The following DNAH5 variants were observed in gnomAD, a reference collection of about 807,000 sequenced individuals.
The protein encoded by DNAH5 is dynein axonemal heavy chain 5.
A neutral mutation model predicts 518.2 loss-of-function variants in DNAH5; 372 were observed. The ratio of observed to expected loss-of-function variants is 0.72; its 90% CI spans 0.66 to 0.78. DNAH5 has a LOEUF of 0.78. Among genes scored for constraint, DNAH5 ranks in the 30% least tolerant of loss-of-function variants. DNAH5 has a pLI of 0.00. For missense variants in DNAH5, 5,523 were observed against 5,687.0 expected, an observed-to-expected ratio of 0.97 and a Z score of 0.93; for synonymous variants, 2,039 against 2,025.9, an observed-to-expected ratio of 1.01 and a Z score of -0.17.
rs529191880 is a variant in DNAH5, at chr5:13,864,284, A to T, written c.4596+113T>A. 105 of 1,423,812 alleles carry T rather than the reference A, an allele frequency of 7.4e-5. No individual in the cohort carries two copies. In the East Asian group the frequency reaches 2.3e-3, roughly 32 times the overall value. The allele number at this position is 1,423,812 out of a possible 1,614,324, so 88.2% of individuals were successfully genotyped here. On this transcript the variant is annotated intron_variant, in intron 28 of 78. Transcript: ENST00000265104. The stretch of plus-strand genomic sequence containing the variant: ...AAGGAACTAGTGGCTGAATGCCAGG[A>T]GAAGAGTTTCAATTGTCTGAGTGTA...
At position 13,737,449 on chromosome 5, in the gene DNAH5, T is replaced by C; in HGVS notation, c.11258A>G (p.Asn3753Ser). ...RTHLMEDVTA[N>S]KRRMKELEDN... ...TTCTAGTTCCTTCATCCTTCTTTTG[T>C]TTGCAGTTACATCTTCCATCAGATG... is the stretch of plus-strand genomic sequence containing the variant. The change falls in exon 66 of 79, where the codon AAC (asparagine) becomes AGC (serine). Residue 3753 changes from asparagine (N) to serine (S), a missense_variant. Asn to Ser is a conservative substitution (Grantham distance 46, BLOSUM62 1). Transcript: ENST00000265104. 1 of 1,614,148 alleles carries C rather than the reference T, an allele frequency of 6.2e-7. No individual in the cohort carries two copies. The highest frequency in any genetic ancestry group is 8.5e-7 in the Non-Finnish European group (1 of 1,179,986).
intron 72 of DNAH5, among the ~76,000 whole-genome samples, chr5:13,717,878 G>A (rs1377590105): frequency 6.6e-6 from 1 of 151,974 alleles, no homozygotes; most frequent in Non-Finnish European, 1.5e-5. Flanking sequence ...GTTGTTTTGA[G>A]CATATACTTG....
At chr5:13,938,610 T>C (rs1779177625) in intron 1 of DNAH5, among the ~76,000 whole-genome samples, 1 of 151,880 alleles carries the variant, frequency 6.6e-6, no homozygotes, top group Non-Finnish European at 1.5e-5. Flanking sequence ...ATAGTATATA[T>C]AGGGTTCAAT....
chr5:13,924,150 C>G (rs1209281273), intron 3 of DNAH5, among the ~76,000 whole-genome samples: 1 of 152,186 alleles, frequency 6.6e-6, no homozygotes, highest in Non-Finnish European at 1.5e-5. Flanking sequence ...AAACTCGGAA[C>G]CCCCACTTCC....
chr5:13,864,694 A>T (rs191669243), intron 27 of DNAH5, 57 bp from the exon 28 acceptor site: 2 of 1,588,748 alleles, frequency 1.3e-6, no homozygotes, highest in Non-Finnish European at 1.7e-6. Flanking sequence ...ACATCACTGG[A>T]CCAAGACGGT....
At chr5:13,951,894 T>C (rs934268093) in intron 1 of DNAH5, among the ~76,000 whole-genome samples, 2 of 152,244 alleles carry the variant, frequency 1.3e-5, no homozygotes, top group Non-Finnish European at 2.9e-5. Context: ...CCTTTAACCC[T>C]GCATTTAGGT....
chr5:13,758,551 T>C (rs1416931165), intron 61 of DNAH5, among the ~76,000 whole-genome samples: 1 of 152,042 alleles, frequency 6.6e-6, no homozygotes, highest in African/African-American at 2.4e-5. Context: ...ACTTCAAAGA[T>C]TAAATGAGAT....
At chr5:13,884,255 C>T (rs1772066583) in intron 19 of DNAH5, among the ~76,000 whole-genome samples, 1 of 152,122 alleles carries the variant, frequency 6.6e-6, no homozygotes, top group Admixed American at 6.5e-5. Context: ...GCTAACAAAC[C>T]TAATGATTTA....
intron 75 of DNAH5, among the ~76,000 whole-genome samples, chr5:13,714,031 A>G (rs1323189006): frequency 6.6e-6 from 1 of 152,204 alleles, no homozygotes; most frequent in East Asian, 1.9e-4. Flanking sequence ...TAAGGTGTGC[A>G]TTAAACTACA....
At chr5:13,884,955 A>T (rs1343977789) in intron 19 of DNAH5, 34 bp downstream of exon 19, 1 of 1,613,738 alleles carries the variant, frequency 6.2e-7, no homozygotes, top group Admixed American at 1.7e-5. Flanking sequence ...ACTATGCCTG[A>T]TCATCCACTA....
At position 13,778,754 on chromosome 5, in the gene DNAH5, A is replaced by G. The variant is rs983598353; in HGVS notation, c.8952-1399T>C. The stretch of plus-strand genomic sequence containing the variant: ...CACCAACAAATAGTTGTGGTTCCCA[A>G]ATGAGAGTCTCTTGCATCTCAGCCT... On this transcript the variant is annotated intron_variant, in intron 53 of 78. Coordinates refer to ENST00000265104, the MANE Select transcript of DNAH5 (RefSeq NM_001369.3). 9.3e-4 allele frequency among the ~76,000 whole-genome samples: 141 copies of G among 152,328 alleles called. 1 individual carries two copies. Among genetic ancestry groups the G allele is most frequent in the African/African-American group, 3.2e-3 (135 of 41,586 alleles).
intron 52 of DNAH5, among the ~76,000 whole-genome samples, chr5:13,783,541 T>C (rs927616819): frequency 6.6e-6 from 1 of 152,140 alleles, no homozygotes; most frequent in Non-Finnish European, 1.5e-5. Context: ...AAGCAGCCCG[T>C]TGTTCTGGAT....
chr5:13,999,678 C>T (rs943834596), intron 1 of DNAH5, among the ~76,000 whole-genome samples: 1 of 152,198 alleles, frequency 6.6e-6, no homozygotes, highest in Non-Finnish European at 1.5e-5. Context: ...CTTTGGGATC[C>T]TGATTTCAGT....
intron 12 of DNAH5, among the ~76,000 whole-genome samples, chr5:13,902,861 C>T (rs1774829037): frequency 6.6e-6 from 1 of 151,920 alleles, no homozygotes; most frequent in African/African-American, 2.4e-5. Context: ...CCACAGAATT[C>T]AAGAAAAGCC....
intron 2 of DNAH5, among the ~76,000 whole-genome samples, chr5:13,930,297 T>C (rs1778296401): frequency 6.6e-6 from 1 of 152,134 alleles, no homozygotes; most frequent in South Asian, 2.1e-4. Context: ...TGATAGTAGT[T>C]TGGAACCAGC....
At position 13,809,120 on chromosome 5, in the gene DNAH5, T is replaced by C. The variant is rs117367562; in HGVS notation, c.7676A>G (p.Tyr2559Cys). 6.2e-7 allele frequency: 1 copy of C among 1,614,206 alleles called. No homozygotes were observed. Among genetic ancestry groups the C allele is most frequent in the East Asian group, 2.2e-5 (1 of 44,888 alleles). The change falls in exon 46 of 79, where the codon TAT becomes TGT. Residue 2559 changes from tyrosine (Y) to cysteine (C), a missense_variant. Physicochemically the swap from Tyr to Cys is radical, Grantham distance 194. Transcript: ENST00000265104. ...YLYPSDTTPE[Y>C]GSILVPNVDN... ...AACATTTGGCACCAGAATAGAACCA[T>C]ACTCTGGGGTGGTATCAGACGGATA...
chr5:13,796,127 T>C (rs1481103112), intron 47 of DNAH5, among the ~76,000 whole-genome samples: 5 of 152,190 alleles, frequency 3.3e-5, no homozygotes, highest in Non-Finnish European at 4.4e-5. Flanking sequence ...GCATTCCCTT[T>C]GAAAACTGGC....
chr5:13,714,287 A>T, intron 75 of DNAH5, 118 bp downstream of exon 75: 1 of 1,132,912 alleles, frequency 8.8e-7, no homozygotes, highest in Non-Finnish European at 1.3e-6. Context: ...GCTGGTTTTT[A>T]AAAGAATGTT....
At chr5:13,974,854 C>T (rs1782122407) in intron 1 of DNAH5, among the ~76,000 whole-genome samples, 1 of 152,130 alleles carries the variant, frequency 6.6e-6, no homozygotes, top group South Asian at 2.1e-4. Flanking sequence ...CAGGAGGAGA[C>T]ACAAGGTGGC....
Sources: allele counts gnomAD v4.1 joint callset (sites outside exome capture counted in the v4.1 genomes callset), GRCh38; gene constraint gnomAD v4.1.1; transcripts MANE v1.5; gene names NCBI Gene and HGNC (gene_info 2026-07-23, HGNC 2026-07-21).